Variants in CCDC7 observed in about 807,000 individuals in gnomAD.
CCDC7 encodes the protein coiled-coil domain-containing protein 7.
In CCDC7, 183 loss-of-function variants were observed where a neutral mutation model predicts 196.9. The ratio of observed to expected loss-of-function variants is 0.93; its 90% CI spans 0.82 to 1.05. CCDC7 has a LOEUF of 1.05. CCDC7 is among the 50% of genes least tolerant of loss of function. CCDC7 has a pLI of 0.00. For missense variants in CCDC7, 1,540 were observed against 1,482.2 expected, an observed-to-expected ratio of 1.04 and a Z score of -0.64; for synonymous variants, 525 against 484.6, an observed-to-expected ratio of 1.08 and a Z score of -1.10.
chr10:32,520,352 C>T (rs561181612), intron 11 of CCDC7, among the ~76,000 whole-genome samples: 1 of 152,164 alleles, frequency 6.6e-6, no homozygotes, highest in South Asian at 2.1e-4. Context: ...ATGAGGGTTC[C>T]CTTTTCTCCA....
At chr10:32,814,605 A>G (rs1329248643) in intron 31 of CCDC7, 152 bp downstream of exon 32, 3 of 556,976 alleles carry the variant, frequency 5.4e-6, no homozygotes, top group Admixed American at 6.1e-5. Flanking sequence ...TTTCAACTCT[A>G]GTTTCAACTA....
intron 18 of CCDC7, among the ~76,000 whole-genome samples, chr10:32,620,080 A>T (rs1031052420): frequency 6.6e-6 from 1 of 150,678 alleles, no homozygotes; most frequent in Non-Finnish European, 1.5e-5. Context: ...GCACCACCAC[A>T]CTCGGCTAAT....
intron 28 of CCDC7, among the ~76,000 whole-genome samples, chr10:32,773,504 G>A (rs2079493744): frequency 6.6e-6 from 1 of 151,556 alleles, no homozygotes; most frequent in African/African-American, 2.4e-5. Context: ...TATTTTGAGA[G>A]TTTCTCTTTG....
intron 18 of CCDC7, among the ~76,000 whole-genome samples, chr10:32,587,548 C>A (rs577760599): frequency 6.6e-6 from 1 of 152,266 alleles, no homozygotes; most frequent in East Asian, 1.9e-4. Context: ...CATTGTTGCA[C>A]CAGGGATTAA....
At chr10:32,596,062 C>T (rs1319992308) in intron 18 of CCDC7, among the ~76,000 whole-genome samples, 1 of 152,144 alleles carries the variant, frequency 6.6e-6, no homozygotes, top group Non-Finnish European at 1.5e-5. Flanking sequence ...ATTAGGTCCA[C>T]TTGTTGCAGA....
chr10:32,845,989 T>TA, intron 36 of CCDC7, 30 bp downstream of exon 37: 4 of 1,456,174 alleles, frequency 2.7e-6, no homozygotes, highest in Non-Finnish European at 3.8e-6. Context: ...AAGTCTAATA[T>TA]TTAGGCTTAT....
At chr10:32,615,770 T>C (rs985057085) in intron 18 of CCDC7, among the ~76,000 whole-genome samples, 4 of 152,144 alleles carry the variant, frequency 2.6e-5, no homozygotes, top group Non-Finnish European at 4.4e-5. Flanking sequence ...AGAAGAGTTT[T>C]TCCTAGGTTT....
At chr10:32,443,430 G>T (rs562893702), upstream of CCDC7, among the ~76,000 whole-genome samples, 5 of 130,896 alleles carry the variant, frequency 3.8e-5, no homozygotes, top group African/African-American at 1.3e-4. Flanking sequence ...TCCCTTGAAG[G>T]ATAATATGTA....
At chr10:32,676,469 A>G (rs1198120666) in intron 21 of CCDC7, among the ~76,000 whole-genome samples, 3 of 151,520 alleles carry the variant, frequency 2.0e-5, no homozygotes, top group South Asian at 2.1e-4. Context: ...CAACCTACTC[A>G]TCTGACAAAG....
intron 20 of CCDC7, among the ~76,000 whole-genome samples, chr10:32,642,503 A>C (rs1213348998): frequency 2.0e-5 from 3 of 152,076 alleles, no homozygotes; most frequent in Admixed American, 6.5e-5. Context: ...GGAAGAGCGC[A>C]GTATTAGTTT....
At chr10:32,594,511 T>C (rs1418301076) in intron 18 of CCDC7, among the ~76,000 whole-genome samples, 4 of 152,216 alleles carry the variant, frequency 2.6e-5, no homozygotes, top group African/African-American at 9.6e-5. Context: ...GCAATTTGAC[T>C]TCCTCTTTTC....
chr10:32,474,240 T>G (rs1403158441), intron 8 of CCDC7, among the ~76,000 whole-genome samples: 11 of 65,088 alleles, frequency 1.7e-4, no homozygotes, highest in African/African-American at 4.1e-4. Flanking sequence ...TTTTTTTTTT[T>G]GGAGACAGAG....
rs774750067 is a variant in CCDC7, at chr10:32,854,387, C to G, written c.4022-13C>G. 6.7e-7 allele frequency: 1 copy of G among 1,489,988 alleles called. No individual in the cohort carries two copies. The highest frequency in any genetic ancestry group is 1.4e-5 in the African/African-American group (1 of 70,760). The allele number at this position is 1,489,988 out of a possible 1,614,324, so 92.3% of individuals were successfully genotyped here. Reference sequence around the variant, plus strand: ...TACCACATAATTTAATAACACTGTTCTCATTTTTTTAGGGCATTCGAAAGT... The same window carrying G: ...TACCACATAATTTAATAACACTGTTGTCATTTTTTTAGGGCATTCGAAAGT... On this transcript the variant is annotated splice_polypyrimidine_tract_variant and intron_variant, in intron 40 of 41. Transcript: ENST00000639629.
intron 12 of CCDC7, among the ~76,000 whole-genome samples, chr10:32,543,597 G>A (rs1212626760): frequency 2.6e-5 from 4 of 152,046 alleles, no homozygotes; most frequent in Admixed American, 6.5e-5. Context: ...GACTGGAAGA[G>A]GAGATTGAAC....
At chr10:32,609,437 TTTGGTTTTTGTTTGCATGGAA>T (rs149390380) in intron 18 of CCDC7, among the ~76,000 whole-genome samples, 2,683 of 152,240 alleles carry the variant, frequency 0.018, 85 homozygotes, top group African/African-American at 0.061. Flanking sequence ...CTTGCTTGCT[TTTGGTTTTTGTTTGCATGGAA>T]TTTTTAAATT....
chr10:32,485,478 T>C (rs1472125352), intron 8 of CCDC7, among the ~76,000 whole-genome samples: 3 of 152,238 alleles, frequency 2.0e-5, no homozygotes, highest in Admixed American at 2.0e-4. Flanking sequence ...GAAGGGTTTT[T>C]TGTGTCTCTA....
At chr10:32,621,249 T>C (rs959825859) in intron 18 of CCDC7, among the ~76,000 whole-genome samples, 1 of 152,210 alleles carries the variant, frequency 6.6e-6, no homozygotes, top group Non-Finnish European at 1.5e-5. Flanking sequence ...CCTTACCTTA[T>C]GCTTCCATTA....
chr10:32,519,785 G>T (rs1589455421), intron 11 of CCDC7, among the ~76,000 whole-genome samples: 1 of 151,614 alleles, frequency 6.6e-6, no homozygotes, highest in South Asian at 2.1e-4. Context: ...ATTGACTATT[G>T]TCCCCCTGTT....
intron 21 of CCDC7, among the ~76,000 whole-genome samples, chr10:32,678,439 G>A (rs1208193597): frequency 6.6e-6 from 1 of 152,136 alleles, no homozygotes; most frequent in Non-Finnish European, 1.5e-5. Context: ...GGGTTCATGG[G>A]CAGGTCAGCT....
Sources: gnomAD v4.1 joint callset for allele counts (sites outside exome capture counted in the v4.1 genomes callset) on GRCh38, gnomAD v4.1.1 for gene constraint, MANE v1.5 for transcripts, NCBI Gene and HGNC (gene_info 2026-07-23, HGNC 2026-07-21) for gene names.